RPS6KC1: variants seen among roughly 807,000 people sequenced by gnomAD.
RPS6KC1 encodes the protein inactive ribosomal protein S6 kinase delta-1.
Under a neutral mutation model 103.8 loss-of-function variants are expected in RPS6KC1, and 54 were observed. The observed-to-expected ratio is 0.52, with a 90% confidence interval of 0.42 to 0.65. The LOEUF is 0.65. Among genes scored for constraint, RPS6KC1 ranks in the 30% least tolerant of loss-of-function variants. The pLI is 0.00. For synonymous variants in RPS6KC1, 439 were observed against 438.7 expected, an observed-to-expected ratio of 1.00 and a Z score of -0.01; for missense variants, 1,151 against 1,253.8, an observed-to-expected ratio of 0.92 and a Z score of 1.24.
chr1:213,379,792 G>T, the RPS6KC1 span, among the ~76,000 whole-genome samples: 2 of 152,046 alleles, frequency 1.3e-5, no homozygotes, highest in Non-Finnish European at 2.9e-5. Context: ...TCTCACACCA[G>T]TTACAATATC....
chr1:213,401,428 A>G, the RPS6KC1 span, among the ~76,000 whole-genome samples: 1 of 152,166 alleles, frequency 6.6e-6, no homozygotes, highest in African/African-American at 2.4e-5. Flanking sequence ...ATGTTTTCAC[A>G]ATACTGTTGG....
intron 2 of RPS6KC1, among the ~76,000 whole-genome samples, chr1:213,076,587 A>G (rs1263230650): frequency 6.6e-6 from 1 of 151,898 alleles, no homozygotes; most frequent in Non-Finnish European, 1.5e-5. Flanking sequence ...TATCAAGGCC[A>G]TGTTTCAAAT....
intron 8 of RPS6KC1, among the ~76,000 whole-genome samples, chr1:213,191,470 T>A (rs1298914132): frequency 6.6e-6 from 1 of 152,228 alleles, no homozygotes; most frequent in Non-Finnish European, 1.5e-5. Flanking sequence ...ATGCTACTAA[T>A]TTTTGTATGT....
At chr1:213,576,160 A>G in the RPS6KC1 span, among the ~76,000 whole-genome samples, 3 of 152,150 alleles carry the variant, frequency 2.0e-5, no homozygotes, top group Non-Finnish European at 4.4e-5. Context: ...GCCTCCAATG[A>G]TTTAACCAAC....
the RPS6KC1 span, among the ~76,000 whole-genome samples, chr1:213,532,053 A>G: frequency 3.9e-5 from 6 of 152,232 alleles, no homozygotes; most frequent in African/African-American, 1.4e-4. Flanking sequence ...ACAAGTGTAC[A>G]GAGACCTGGC....
chr1:213,307,060 G>GT, the RPS6KC1 span, among the ~76,000 whole-genome samples: 12,538 of 130,440 alleles, frequency 0.096, 1,285 homozygotes, highest in African/African-American at 0.22. Context: ...AAGGATGCAG[G>GT]TTTTTTTTTT....
chr1:213,256,240 A>G (rs1228838074), intron 12 of RPS6KC1, among the ~76,000 whole-genome samples: 2 of 152,194 alleles, frequency 1.3e-5, no homozygotes, highest in South Asian at 2.1e-4. Context: ...AAGAAAGTCA[A>G]TGGGGAAGAA....
the RPS6KC1 span, among the ~76,000 whole-genome samples, chr1:213,734,654 T>A: frequency 6.6e-6 from 1 of 152,220 alleles, no homozygotes; most frequent in Non-Finnish European, 1.5e-5. Context: ...GTGTACCATA[T>A]TGTGGAAAAA....
the RPS6KC1 span, among the ~76,000 whole-genome samples, chr1:213,725,469 T>C: frequency 6.6e-6 from 1 of 152,222 alleles, no homozygotes; most frequent in African/African-American, 2.4e-5. Context: ...GACATTTGCT[T>C]TCTCAAAGGC....
At chr1:213,690,981 G>A in the RPS6KC1 span, among the ~76,000 whole-genome samples, 1 of 152,058 alleles carries the variant, frequency 6.6e-6, no homozygotes, top group African/African-American at 2.4e-5. Flanking sequence ...ATCTCTTGGA[G>A]GGCATCATCA....
At chr1:213,097,740 G>T (rs997087772) in intron 3 of RPS6KC1, among the ~76,000 whole-genome samples, 4 of 152,202 alleles carry the variant, frequency 2.6e-5, no homozygotes, top group African/African-American at 9.7e-5. Context: ...ATTTTCGCTA[G>T]ATCTTCTGTA....
chr1:213,809,533 A>T, the RPS6KC1 span, among the ~76,000 whole-genome samples: 3 of 152,240 alleles, frequency 2.0e-5, no homozygotes, highest in Non-Finnish European at 4.4e-5. Flanking sequence ...GCAATTATTT[A>T]TGAGGCATAA....
the RPS6KC1 span, among the ~76,000 whole-genome samples, chr1:213,325,320 C>T: frequency 2.4e-4 from 37 of 152,284 alleles, no homozygotes; most frequent in South Asian, 1.7e-3. Flanking sequence ...TAGCTTGGTG[C>T]TAACTACAGC....
the RPS6KC1 span, among the ~76,000 whole-genome samples, chr1:213,768,599 G>T: frequency 6.6e-6 from 1 of 152,146 alleles, no homozygotes; most frequent in Non-Finnish European, 1.5e-5. Context: ...TGGTGATTAC[G>T]GTTTGGCTAA....
chr1:213,321,359 A>T, the RPS6KC1 span, among the ~76,000 whole-genome samples: 1 of 152,230 alleles, frequency 6.6e-6, no homozygotes, highest in Non-Finnish European at 1.5e-5. Context: ...TGAGGATCCC[A>T]TGAGAAGAAC....
chr1:213,656,350 G>A, the RPS6KC1 span, among the ~76,000 whole-genome samples: 1 of 152,344 alleles, frequency 6.6e-6, no homozygotes, highest in East Asian at 1.9e-4. Flanking sequence ...ACAGCACTGG[G>A]CAGGAATAAA....
At chr1:213,692,659 T>C in the RPS6KC1 span, among the ~76,000 whole-genome samples, 5 of 152,174 alleles carry the variant, frequency 3.3e-5, no homozygotes, top group African/African-American at 1.2e-4. Flanking sequence ...TCACTTGAGA[T>C]ATTATTCCCT....
chr1:213,079,120 T>C (rs1330603311), intron 3 of RPS6KC1, among the ~76,000 whole-genome samples: 1 of 152,072 alleles, frequency 6.6e-6, no homozygotes, highest in Admixed American at 6.6e-5. Context: ...TCTTTTCATG[T>C]CAATAAAAAG....
At chr1:213,415,855 C>T in the RPS6KC1 span, among the ~76,000 whole-genome samples, 5 of 152,194 alleles carry the variant, frequency 3.3e-5, no homozygotes, top group African/African-American at 1.2e-4. Context: ...TGCTTCAGAC[C>T]GGTTAAATTG....
Sources: gnomAD v4.1 joint callset for allele counts (sites outside exome capture counted in the v4.1 genomes callset) on GRCh38, gnomAD v4.1.1 for gene constraint, MANE v1.5 for transcripts, NCBI Gene and HGNC (gene_info 2026-07-23, HGNC 2026-07-21) for gene names.